The following ROBO2 variants were observed in gnomAD, a reference collection of about 807,000 sequenced individuals.
The protein encoded by ROBO2 is roundabout homolog 2.
Under a neutral mutation model 160.8 loss-of-function variants are expected in ROBO2, and 53 were observed. That is an observed-to-expected ratio of 0.33 (90% confidence interval 0.26 to 0.41). ROBO2 has a LOEUF of 0.41. ROBO2 is among the 10% of genes least tolerant of loss of function. The pLI is 1.00. For missense variants in ROBO2, 1,577 were observed against 1,722.4 expected (o/e 0.92, Z 1.49); for synonymous variants, 664 against 611.7 (o/e 1.09, Z -1.26).
At chr3:76,421,185 G>T (rs967021089) in intron 2 of ROBO2, among the ~76,000 whole-genome samples, 4 of 152,100 alleles carry the variant, frequency 2.6e-5, no homozygotes, top group South Asian at 2.1e-4. Context: ...CACATATTTT[G>T]GGATGTATTT....
intron 16 of ROBO2, among the ~76,000 whole-genome samples, chr3:77,582,432 T>C (rs2153678392): frequency 6.6e-6 from 1 of 152,290 alleles, no homozygotes; most frequent in Non-Finnish European, 1.5e-5. Context: ...CCTTTTTAAT[T>C]GCATACTCAG....
intron 13 of ROBO2, among the ~76,000 whole-genome samples, chr3:77,571,208 C>G (rs1278734439): frequency 2.6e-5 from 4 of 151,806 alleles, no homozygotes; most frequent in Non-Finnish European, 5.9e-5. Context: ...CAGATCAGAC[C>G]CTTAGCAGCT....
chr3:77,394,119 A>C (rs2153503713), intron 2 of ROBO2, among the ~76,000 whole-genome samples: 1 of 152,260 alleles, frequency 6.6e-6, no homozygotes, highest in Non-Finnish European at 1.5e-5. Flanking sequence ...TGATTATAGT[A>C]ACTTCAAAGC....
At chr3:77,116,706 A>C (rs2074241009) in intron 2 of ROBO2, among the ~76,000 whole-genome samples, 1 of 152,222 alleles carries the variant, frequency 6.6e-6, no homozygotes. Context: ...TGATGGATGC[A>C]GGTATTTTCT....
chr3:77,087,883 T>A (rs1388766625), intron 1 of ROBO2, among the ~76,000 whole-genome samples: 3 of 151,978 alleles, frequency 2.0e-5, no homozygotes, highest in African/African-American at 7.3e-5. Flanking sequence ...CACACATACA[T>A]AAGAATATAT....
rs113241645 is a variant in ROBO2, at chr3:77,185,390, G to A, written c.388+87050G>A. 5.3e-3 allele frequency among the ~76,000 whole-genome samples: 812 copies of A among 151,978 alleles called. 2 individuals are homozygous for A. The highest frequency in any genetic ancestry group is 9.7e-3 in the Non-Finnish European group (656 of 67,902). Reference sequence around the variant, plus strand: ...AGTATTTTTGAAGGAGAGAAGAAACGGAAGCATAGAAGGAAAGAAGGCAGT... The same window carrying A: ...AGTATTTTTGAAGGAGAGAAGAAACAGAAGCATAGAAGGAAAGAAGGCAGT... On this transcript the variant is annotated intron_variant, in intron 2 of 25. Coordinates refer to ENST00000461745, the Ensembl canonical transcript of ROBO2.
intron 2 of ROBO2, among the ~76,000 whole-genome samples, chr3:76,205,077 T>C (rs1181719988): frequency 1.3e-5 from 2 of 152,096 alleles, no homozygotes; most frequent in African/African-American, 4.8e-5. Flanking sequence ...CTAGTATAAT[T>C]AGTTAAAAAA....
intron 2 of ROBO2, among the ~76,000 whole-genome samples, chr3:77,401,373 A>G (rs1340085136): frequency 7.9e-5 from 12 of 151,992 alleles, no homozygotes; most frequent in African/African-American, 2.9e-4. Flanking sequence ...CTTTACAGCT[A>G]TATTTTAAAC....
At chr3:76,492,702 A>C (rs1305240062) in intron 2 of ROBO2, among the ~76,000 whole-genome samples, 2 of 152,136 alleles carry the variant, frequency 1.3e-5, no homozygotes, top group African/African-American at 4.8e-5. Context: ...TTAACGACGT[A>C]CTATATACAG....
chr3:76,472,135 A>G (rs1439623934), intron 2 of ROBO2, among the ~76,000 whole-genome samples: 2 of 151,916 alleles, frequency 1.3e-5, no homozygotes, highest in Non-Finnish European at 2.9e-5. Flanking sequence ...CACTTCTTCC[A>G]TAAACCTATA....
intron 22 of ROBO2, 144 bp from the exon 24 acceptor site, chr3:77,622,083 G>A: frequency 1.4e-6 from 1 of 692,892 alleles, no homozygotes; most frequent in Non-Finnish European, 2.4e-6. Flanking sequence ...CATTGTTTCT[G>A]CTGAAAGCAT....
intron 2 of ROBO2, among the ~76,000 whole-genome samples, chr3:76,453,494 C>T (rs543134084): frequency 2.0e-4 from 30 of 152,052 alleles, no homozygotes; most frequent in East Asian, 1.4e-3. Context: ...TGTAGATATG[C>T]GGCATTATTT....
chr3:75,940,645 A>G (rs1948010505), intron 2 of ROBO2, among the ~76,000 whole-genome samples: 1 of 152,170 alleles, frequency 6.6e-6, no homozygotes. Context: ...TTAAAAGGAA[A>G]TATACCTACA....
chr3:76,511,144 G>A (rs533601332), intron 2 of ROBO2, among the ~76,000 whole-genome samples: 24 of 152,250 alleles, frequency 1.6e-4, no homozygotes, highest in African/African-American at 5.3e-4. Flanking sequence ...TGCAGCTGAC[G>A]AGACACCCTC....
intron 1 of ROBO2, among the ~76,000 whole-genome samples, chr3:75,934,083 C>T (rs557395286): frequency 2.0e-5 from 3 of 152,142 alleles, no homozygotes; most frequent in South Asian, 2.1e-4. Context: ...AGAAGTAATA[C>T]GCGAACATTC....
intron 19 of ROBO2, among the ~76,000 whole-genome samples, chr3:77,597,983 A>G (rs1000195460): frequency 6.6e-6 from 1 of 152,140 alleles, no homozygotes; most frequent in African/African-American, 2.4e-5. Flanking sequence ...GTACTGTTTT[A>G]AGTCATCCAG....
chr3:76,474,895 C>T (rs1357407531), intron 2 of ROBO2, among the ~76,000 whole-genome samples: 2 of 152,070 alleles, frequency 1.3e-5, no homozygotes, highest in Non-Finnish European at 2.9e-5. Flanking sequence ...TCGTCTTCCT[C>T]TTAGAATCCA....
At chr3:76,885,842 C>T (rs2073825304) in intron 2 of ROBO2, among the ~76,000 whole-genome samples, 2 of 152,114 alleles carry the variant, frequency 1.3e-5, no homozygotes, top group Non-Finnish European at 2.9e-5. Flanking sequence ...TTTCCTGCCT[C>T]CTTCATGTTT....
chr3:76,901,182 C>CA (rs2075197753), intron 2 of ROBO2, among the ~76,000 whole-genome samples: 1 of 152,044 alleles, frequency 6.6e-6, no homozygotes, highest in Admixed American at 6.6e-5. Context: ...GCAACACTCC[C>CA]AGTATTCTCT....
Sources: allele counts gnomAD v4.1 joint callset (sites outside exome capture counted in the v4.1 genomes callset), GRCh38; gene constraint gnomAD v4.1.1; transcripts MANE v1.5; gene names NCBI Gene and HGNC (gene_info 2026-07-23, HGNC 2026-07-21).